Variants in RABGAP1 observed in about 807,000 individuals in gnomAD.
The protein encoded by RABGAP1 is rab GTPase-activating protein 1.
RABGAP1 carries 23 observed loss-of-function variants against 137.6 expected under a neutral mutation model. The ratio of observed to expected loss-of-function variants is 0.17; its 90% confidence interval spans 0.12 to 0.24. RABGAP1 has a LOEUF of 0.24. Ranked by LOEUF, RABGAP1 falls within the 10% of genes least tolerant of loss-of-function variation. The pLI, the probability that RABGAP1 is intolerant of heterozygous loss-of-function variation, is 1.00. For synonymous variants in RABGAP1, 451 were observed against 450.7 expected (o/e 1.00, Z -0.01); for missense variants, 906 against 1,275.8 (o/e 0.71, Z 4.42).
intron 2 of RABGAP1, among the ~76,000 whole-genome samples, chr9:122,973,445 C>T (rs1165021577): frequency 6.6e-6 from 1 of 151,964 alleles, no homozygotes; most frequent in Non-Finnish European, 1.5e-5. Context: ...ACCGTGTTAG[C>T]CAGGATGGTC....
rs185238609 is a variant in RABGAP1 at position 123,073,797 on chromosome 9, G to A, written c.2109+120G>A. 1.6e-4 allele frequency: 216 copies of A among 1,345,686 alleles called. No homozygotes were observed. In the East Asian group the frequency reaches 4.9e-3, roughly 31 times the overall value. The allele number at this position is 1,345,686 out of a possible 1,614,324, so 83.4% of individuals were successfully genotyped here. On this transcript the variant is annotated intron_variant, in intron 16 of 25. Coordinates refer to ENST00000373647, the MANE Select transcript of RABGAP1 (RefSeq NM_012197.4). ...CTTAGCGATCCGTGGCTAAGGATGG[G>A]TTTCATTTTTATCCTTTATCACTAT...
chr9:123,101,787 T>C, intron 25 of RABGAP1, 24 bp downstream of exon 25: 6 of 1,550,970 alleles, frequency 3.9e-6, no homozygotes, highest in Non-Finnish European at 5.2e-6. Context: ...AGCTCAGACA[T>C]GTGCCTGCGG....
rs202090815 is a variant in RABGAP1 at position 122,945,147 on chromosome 9, C to CTTTTTTTTTTTTT, written c.-50+4058_-50+4070dup. ...CACCATGTATACATCATAGCTGTTG[C>CTTTTTTTTTTTTT]TTTTTTTTTTTTTTTTAGCATAAAC... On this transcript the variant is annotated intron_variant, in intron 1 of 25. Coordinates refer to ENST00000373647, the MANE Select transcript of RABGAP1 (RefSeq NM_012197.4). 2.9e-3 allele frequency among the ~76,000 whole-genome samples: 221 copies of CTTTTTTTTTTTTT among 75,798 alleles called. 40 individuals carry two copies. Among genetic ancestry groups the CTTTTTTTTTTTTT allele is most frequent in the African/African-American group, 7.1e-3 (175 of 24,714 alleles). The allele number at this position is 75,798 out of a possible 152,430, so 49.7% of individuals were successfully genotyped here.
chr9:122,970,688 A>T (rs751857769), intron 2 of RABGAP1, among the ~76,000 whole-genome samples: 1 of 152,206 alleles, frequency 6.6e-6, no homozygotes, highest in Non-Finnish European at 1.5e-5. Context: ...AATGGAAAAC[A>T]TATTTTAAAA....
intron 13 of RABGAP1, among the ~76,000 whole-genome samples, chr9:123,022,188 G>A (rs920746123): frequency 1.3e-5 from 2 of 152,072 alleles, no homozygotes; most frequent in East Asian, 1.9e-4. Context: ...TGCTTTAAAC[G>A]AAATATTTTG....
chr9:122,944,746 T>A (rs1463468113), intron 1 of RABGAP1, among the ~76,000 whole-genome samples: 3 of 151,850 alleles, frequency 2.0e-5, no homozygotes, highest in Non-Finnish European at 4.4e-5. Flanking sequence ...AATTTTTTTT[T>A]TTTTATTTTT....
intron 3 of RABGAP1, among the ~76,000 whole-genome samples, chr9:122,985,567 T>G (rs1341714071): frequency 1.4e-5 from 2 of 145,604 alleles, no homozygotes; most frequent in East Asian, 3.9e-4. Context: ...GAGCCGAGAT[T>G]GTTCCACTGC....
intron 2 of RABGAP1, among the ~76,000 whole-genome samples, chr9:122,975,502 A>G (rs1835718346): frequency 1.3e-5 from 2 of 152,260 alleles, no homozygotes; most frequent in Non-Finnish European, 2.9e-5. Context: ...TGATATATTT[A>G]GAAAGGACAA....
intron 11 of RABGAP1, among the ~76,000 whole-genome samples, chr9:123,015,236 A>C (rs905699242): frequency 6.6e-6 from 1 of 151,846 alleles, no homozygotes; most frequent in African/African-American, 2.4e-5. Context: ...TGCTTTGGAA[A>C]ATGAGAGAAA....
At chr9:122,954,724 C>T (rs1834417301) in intron 1 of RABGAP1, among the ~76,000 whole-genome samples, 1 of 152,108 alleles carries the variant, frequency 6.6e-6, no homozygotes, top group Non-Finnish European at 1.5e-5. Flanking sequence ...ACTCCTTTAC[C>T]CAATACTGAG....
intron 13 of RABGAP1, among the ~76,000 whole-genome samples, chr9:123,057,189 G>A (rs1310043770): frequency 1.3e-5 from 2 of 151,648 alleles, no homozygotes; most frequent in African/African-American, 2.4e-5. Context: ...GGTGGCTGCC[G>A]GGCGGAGACG....
rs558631539 is a variant in RABGAP1, at chr9:122,977,267, G to C, written c.151-7218G>C. Among the ~76,000 whole-genome samples the C allele has an allele frequency of 2.6e-5, 4 of 152,338 alleles. No homozygotes were observed. The South Asian group carries it at 8.3e-4, about 32-fold the overall frequency. ...TGAAAGAGGTTGTCCTAAGGTATTAGCTATGCAGAGAAGATAGAAGGGAAA... is the reference window on the plus strand; with the variant it reads ...TGAAAGAGGTTGTCCTAAGGTATTACCTATGCAGAGAAGATAGAAGGGAAA... On this transcript the variant is annotated intron_variant, in intron 2 of 25. Transcript: ENST00000373647.
At chr9:122,978,958 C>G (rs973534248) in intron 2 of RABGAP1, among the ~76,000 whole-genome samples, 14 of 151,714 alleles carry the variant, frequency 9.2e-5, no homozygotes, top group Admixed American at 5.9e-4. Context: ...GGCTAGAGTT[C>G]AGTGGCATAA....
intron 2 of RABGAP1, among the ~76,000 whole-genome samples, chr9:122,965,399 T>G (rs1188666324): frequency 1.3e-5 from 2 of 152,158 alleles, no homozygotes; most frequent in Admixed American, 1.3e-4. Context: ...AAAAAAAATT[T>G]TTTTTGAGAC....
intron 13 of RABGAP1, among the ~76,000 whole-genome samples, chr9:123,059,342 C>T (rs1362469091): frequency 6.6e-6 from 1 of 152,070 alleles, no homozygotes; most frequent in Non-Finnish European, 1.5e-5. Context: ...ATCACGAGGT[C>T]AGGAGATCGA....
intron 2 of RABGAP1, among the ~76,000 whole-genome samples, chr9:122,966,851 A>C (rs1257473527): frequency 1.3e-5 from 2 of 152,212 alleles, no homozygotes; most frequent in Admixed American, 6.5e-5. Flanking sequence ...GTCATGTCTT[A>C]CATGGATGGA....
intron 2 of RABGAP1, among the ~76,000 whole-genome samples, chr9:122,980,708 C>T (rs563871414): frequency 3.0e-4 from 46 of 152,286 alleles, no homozygotes; most frequent in Non-Finnish European, 5.1e-4. Context: ...AAATCATTTG[C>T]AATTAGTCGT....
intron 13 of RABGAP1, among the ~76,000 whole-genome samples, chr9:123,036,319 G>C (rs1346938495): frequency 1.3e-5 from 2 of 152,196 alleles, no homozygotes; most frequent in East Asian, 3.8e-4. Context: ...GCTTCACAGA[G>C]ATCTAAAGAT....
At chr9:122,971,120 CAG>C (rs749104914) in intron 2 of RABGAP1, among the ~76,000 whole-genome samples, 7 of 152,324 alleles carry the variant, frequency 4.6e-5, no homozygotes, top group South Asian at 4.1e-4. Flanking sequence ...AAAGTGTACT[CAG>C]GGGCTACTTC....
Sources: allele counts gnomAD v4.1 joint callset (sites outside exome capture counted in the v4.1 genomes callset), GRCh38; gene constraint gnomAD v4.1.1; transcripts MANE v1.5; gene names NCBI Gene and HGNC (gene_info 2026-07-23, HGNC 2026-07-21).